ATRX: variants seen among roughly 807,000 people sequenced by gnomAD.
The protein encoded by ATRX is chromatin remodeler ATRX.
A neutral mutation model predicts 172.6 loss-of-function variants in ATRX; 12 were observed. That is an observed-to-expected ratio of 0.07 (90% CI 0.04 to 0.11). The LOEUF is 0.11. Among genes scored for constraint, ATRX ranks in the 10% least tolerant of loss-of-function variants. The pLI is 1.00. For synonymous variants in ATRX, 674 were observed against 594.7 expected (o/e 1.13, Z -1.94); for missense variants, 1,368 against 1,767.4 (o/e 0.77, Z 4.05).
At chrX:77,518,601 A>G (rs185954440) in intron 34 of ATRX, among the ~76,000 whole-genome samples, 83 of 112,040 alleles carry the variant, frequency 7.4e-4, no homozygotes, top group African/African-American at 1.5e-3. Context: ...CATAGATACA[A>G]TGCATCCTTA....
intron 1 of ATRX, among the ~76,000 whole-genome samples, chrX:77,766,586 C>T (rs1166434870): frequency 7.1e-5 from 7 of 99,238 alleles, no homozygotes; most frequent in Admixed American, 4.3e-4. Context: ...CCAGACGGGG[C>T]GGCGGGGCAG....
At chrX:77,754,951 C>A (rs1378472649) in intron 1 of ATRX, among the ~76,000 whole-genome samples, 2 of 111,752 alleles carry the variant, frequency 1.8e-5, no homozygotes, top group Non-Finnish European at 3.8e-5. Flanking sequence ...TCCATTCTCC[C>A]CATCACTTTC....
intron 30 of ATRX, among the ~76,000 whole-genome samples, chrX:77,547,874 C>A (rs2064305772): frequency 9.0e-6 from 1 of 111,287 alleles, no homozygotes; most frequent in African/African-American, 3.3e-5. Flanking sequence ...GCTTAATTTT[C>A]TACTCAGGAT....
At chrX:77,727,940 A>G (rs1557174060) in intron 1 of ATRX, 1 of 112,902 alleles carries the variant, frequency 8.9e-6, no homozygotes, top group Non-Finnish European at 1.9e-5. Context: ...ACTGTCTACA[A>G]ATTTACAAAT....
rs782398623 is a variant in ATRX, at chrX:77,633,580, C to A, written c.4942G>T (p.Asp1648Tyr). 8.3e-7 allele frequency: 1 copy of A among 1,208,585 alleles called. No homozygotes were observed. Among genetic ancestry groups the A allele is most frequent in the Non-Finnish European group, 1.1e-6 (1 of 893,701 alleles). ...FEKWQEGLKD[D>Y]EKLEVSELAT... ...AAATAAGTTACCTCAAGCTTCTCAT[C>A]ATCTTTTAATCCCTCTTGCCACTTC... is the stretch of plus-strand genomic sequence containing the variant. Residue 1648 changes from aspartate (D) to tyrosine (Y), a missense_variant, in exon 18 of 35, where the codon GAT becomes TAT. Asp to Tyr is a radical substitution (Grantham distance 160). Transcript: ENST00000373344.
At chrX:77,689,201 A>G (rs1164821471) in intron 6 of ATRX, among the ~76,000 whole-genome samples, 2 of 112,144 alleles carry the variant, frequency 1.8e-5, no homozygotes, top group Non-Finnish European at 1.9e-5. Context: ...AGAACCCATA[A>G]AAAGTTCTAA....
chrX:77,722,814 C>T (rs2073841805), intron 1 of ATRX, among the ~76,000 whole-genome samples: 2 of 111,494 alleles, frequency 1.8e-5, no homozygotes, highest in African/African-American at 3.3e-5. Context: ...CTAGAAATAC[C>T]ATTTGACCCA....
chrX:77,721,840 G>T (rs1414051080), intron 1 of ATRX, among the ~76,000 whole-genome samples: 1 of 111,208 alleles, frequency 9.0e-6, no homozygotes, highest in Non-Finnish European at 1.9e-5. Flanking sequence ...ATTTCATATG[G>T]AACCAAAAAA....
At chrX:77,604,187 A>G (rs2066804498) in intron 22 of ATRX, among the ~76,000 whole-genome samples, 1 of 112,431 alleles carries the variant, frequency 8.9e-6, no homozygotes, top group Non-Finnish European at 1.9e-5. Context: ...AGCAAAAGAA[A>G]TAATTAACTG....
intron 22 of ATRX, among the ~76,000 whole-genome samples, chrX:77,612,366 A>T (rs1208874247): frequency 9.2e-6 from 1 of 109,191 alleles, no homozygotes; most frequent in Non-Finnish European, 1.9e-5. Flanking sequence ...TACTGTTTTA[A>T]ATGAGAACAC....
chrX:77,519,999 T>C (rs782490352), intron 34 of ATRX, among the ~76,000 whole-genome samples: 5 of 112,220 alleles, frequency 4.5e-5, no homozygotes, highest in Non-Finnish European at 7.5e-5. Flanking sequence ...ATACTGCCAT[T>C]TGCAATAGCA....
At chrX:77,743,627 G>A (rs781895728) in intron 1 of ATRX, among the ~76,000 whole-genome samples, 2 of 111,561 alleles carry the variant, frequency 1.8e-5, no homozygotes, top group African/African-American at 3.3e-5. Flanking sequence ...TTACTGGCCT[G>A]GATCTCATTG....
chrX:77,557,968 G>C (rs953382655), intron 29 of ATRX, among the ~76,000 whole-genome samples: 1 of 111,462 alleles, frequency 9.0e-6, no homozygotes, highest in African/African-American at 3.2e-5. Context: ...CAGAAATAAA[G>C]GGACAGACAC....
At chrX:77,551,678 G>T (rs1298204745) in intron 30 of ATRX, among the ~76,000 whole-genome samples, 3 of 111,815 alleles carry the variant, frequency 2.7e-5, no homozygotes, top group Non-Finnish European at 3.8e-5. Context: ...AGAGTGAATG[G>T]GCAACCTATA....
rs2067461658 is a variant in ATRX at position 77,618,702 on chromosome X, C to T, written c.5448+104G>A. 9.8e-6 allele frequency: 8 copies of T among 816,363 alleles called. No homozygotes were observed. The African/African-American group carries it at 1.0e-4, about 11-fold the overall frequency. The allele number at this position is 816,363 out of a possible 1,213,427, so 67.3% of individuals were successfully genotyped here. On this transcript the variant is annotated intron_variant, in intron 21 of 34. Coordinates refer to ENST00000373344, the MANE Select transcript of ATRX (RefSeq NM_000489.6). ...ACTGTAAAACTATCTACTGAAAGAG[C>T]GGGAAAGAAAACACAAAATTATTAA... is the stretch of plus-strand genomic sequence containing the variant.
At chrX:77,514,125 A>G (rs190172819) in intron 34 of ATRX, among the ~76,000 whole-genome samples, 135 of 112,208 alleles carry the variant, frequency 1.2e-3, no homozygotes, top group Non-Finnish European at 1.3e-3. Flanking sequence ...AACAAATGGA[A>G]AAACATTCCA....
chrX:77,551,773 AAAAC>A (rs201024354), intron 30 of ATRX, among the ~76,000 whole-genome samples: 6,126 of 111,899 alleles, frequency 0.055, 287 homozygotes, highest in East Asian at 0.37. Flanking sequence ...TATTTACAAG[AAAAC>A]AAACAAACAA....
chrX:77,630,939 GACAACTCACA>G (rs1268712614), intron 19 of ATRX, among the ~76,000 whole-genome samples: 4 of 111,268 alleles, frequency 3.6e-5, no homozygotes, highest in African/African-American at 1.3e-4. Context: ...AAAGTAAAAA[GACAACTCACA>G]GAATGGAAGG....
chrX:77,595,327 T>G (rs2066433248), intron 25 of ATRX: 2 of 111,465 alleles, frequency 1.8e-5, no homozygotes, highest in Admixed American at 9.6e-5. Context: ...ATCTCCAGAG[T>G]GATTCTACAT....
Sources: allele counts gnomAD v4.1 joint callset (sites outside exome capture counted in the v4.1 genomes callset), GRCh38; gene constraint gnomAD v4.1.1; transcripts MANE v1.5; gene names NCBI Gene and HGNC (gene_info 2026-07-23, HGNC 2026-07-21).